The following ADRA1A variants were observed in gnomAD, a reference collection of about 807,000 sequenced individuals.
ADRA1A encodes adrenoceptor alpha 1A, also known as alpha-1A adrenergic receptor.
In ADRA1A, 31 loss-of-function variants were observed where a neutral mutation model predicts 29.6. The observed-to-expected ratio is 1.05, with a 90% confidence interval of 0.79 to 1.41. ADRA1A has a LOEUF of 1.41. Ranked by LOEUF, ADRA1A falls within the 40% of genes most tolerant of loss-of-function variation. The pLI, the probability that ADRA1A is intolerant of heterozygous loss-of-function variation, is 0.00. For missense variants in ADRA1A, 619 were observed against 601.1 expected (o/e 1.03, Z -0.31); for synonymous variants, 311 against 254.3 (o/e 1.22, Z -2.12).
At chr8:26,779,351 C>A in intron 2 of ADRA1A, 2 of 702,944 alleles carry the variant, frequency 2.8e-6, no homozygotes, top group Non-Finnish European at 5.2e-6. Context: ...TCACCTCCAA[C>A]CCCAGCACTG....
At chr8:26,804,235 A>G (rs1210093085) in intron 2 of ADRA1A, among the ~76,000 whole-genome samples, 1 of 152,030 alleles carries the variant, frequency 6.6e-6, no homozygotes, top group Non-Finnish European at 1.5e-5. Flanking sequence ...TTAAATGTGT[A>G]TCTGTCTTAG....
intron 2 of ADRA1A, among the ~76,000 whole-genome samples, chr8:26,749,896 G>C (rs879356273): frequency 2.0e-5 from 3 of 152,166 alleles, no homozygotes; most frequent in Non-Finnish European, 4.4e-5. Context: ...AGAAGGCCTG[G>C]TCATGATTCT....
intron 2 of ADRA1A, chr8:26,853,926 T>C (rs1812810253): frequency 1.3e-5 from 2 of 152,250 alleles, no homozygotes; most frequent in African/African-American, 4.8e-5. Context: ...GTTTTAAATA[T>C]GTATAAGGAT....
intron 2 of ADRA1A, among the ~76,000 whole-genome samples, chr8:26,809,364 C>T (rs1759158171): frequency 6.6e-6 from 1 of 151,976 alleles, no homozygotes; most frequent in Admixed American, 6.6e-5. Context: ...TATCTGATTA[C>T]CCTGAAACCA....
intron 2 of ADRA1A, chr8:26,836,165 G>T: frequency 4.1e-6 from 1 of 241,676 alleles, no homozygotes; most frequent in Non-Finnish European, 9.0e-6. Flanking sequence ...TCCTAGTCTG[G>T]TTGGGGAAGC....
At chr8:26,851,153 C>G (rs2130743578) in intron 2 of ADRA1A, among the ~76,000 whole-genome samples, 1 of 152,218 alleles carries the variant, frequency 6.6e-6, no homozygotes. Flanking sequence ...TGAAAATAAT[C>G]TAGTTTTAAA....
chr8:26,841,941 A>T lies in ADRA1A; in HGVS notation c.883+22146T>A, dbSNP rs61145647. Among the ~76,000 whole-genome samples, 1,083 of 152,154 alleles carry T rather than the reference A, an allele frequency of 7.1e-3. 9 individuals are homozygous for T. Among genetic ancestry groups the T allele is most frequent in the African/African-American group, 0.025 (1,042 of 41,514 alleles). ...CTCCCACTTTTCCAAAACGTTGTGCAAGTTCTGCTTGTTTTTTCTTCTGCC... is the reference window on the plus strand; with the variant it reads ...CTCCCACTTTTCCAAAACGTTGTGCTAGTTCTGCTTGTTTTTTCTTCTGCC... On this transcript the variant is annotated intron_variant, in intron 2 of 2. Transcript: ENST00000380573. The surrounding 1 kb of genome is among the most constrained non-coding windows in gnomAD (Gnocchi z 4.4).
intron 2 of ADRA1A, among the ~76,000 whole-genome samples, chr8:26,827,125 G>C (rs1260479724): frequency 6.6e-6 from 1 of 152,120 alleles, no homozygotes. Flanking sequence ...ATAGTATCTG[G>C]CATGTTGTAA....
downstream of ADRA1A, among the ~76,000 whole-genome samples, chr8:26,754,119 G>A (rs2291776): frequency 0.096 from 14,562 of 152,146 alleles, 982 homozygotes; most frequent in East Asian, 0.33. Context: ...TAAAAATGGC[G>A]TGTAGAAAAT....
intron 2 of ADRA1A, among the ~76,000 whole-genome samples, chr8:26,791,429 C>T (rs1807825719): frequency 6.6e-6 from 1 of 152,108 alleles, no homozygotes; most frequent in Non-Finnish European, 1.5e-5. Flanking sequence ...ACTTATCCAG[C>T]AGTGAAAAGT....
rs1356537116 is a variant in ADRA1A, at chr8:26,865,083, C to G, written c.-114G>C. The G allele has an allele frequency of 6.7e-7, 1 of 1,501,538 alleles. No homozygotes were observed. The highest frequency in any genetic ancestry group is 2.3e-5 in the Admixed American group (1 of 44,000). The allele number at this position is 1,501,538 out of a possible 1,614,324, so 93.0% of individuals were successfully genotyped here. A position where few individuals can be genotyped will look rare whatever the true frequency, so the allele number is the denominator to read the frequency against. ...AAGGTCTCGGCTGGAGGGAGCCCTG[C>G]CAGGTGGGTTTGGCTGGGGGTGAGA... On this transcript the variant is annotated 5_prime_UTR_variant, in exon 2 of 3. Transcript: ENST00000380573. The surrounding 1 kb of genome is among the most constrained non-coding windows in gnomAD (Gnocchi z 7.6).
intron 2 of ADRA1A, chr8:26,779,555 G>A (rs1367216567): frequency 1.7e-6 from 1 of 585,678 alleles, no homozygotes; most frequent in African/African-American, 1.9e-5. Flanking sequence ...GGATGATGAA[G>A]GAACGTGGTG....
intron 2 of ADRA1A, among the ~76,000 whole-genome samples, chr8:26,849,867 C>T (rs532655547): frequency 1.9e-4 from 29 of 151,448 alleles, no homozygotes; most frequent in African/African-American, 6.5e-4. Context: ...TAGGGGGTGA[C>T]GAAGATGGAC....
chr8:26,788,596 C>G (rs1270891191), intron 2 of ADRA1A, among the ~76,000 whole-genome samples: 1 of 152,162 alleles, frequency 6.6e-6, no homozygotes, highest in African/African-American at 2.4e-5. Context: ...AAGTACTTTT[C>G]ATGCACCACC....
Position 26,823,567 on chromosome 8 carries a change from G to C in ADRA1A, c.883+40520C>G, listed in dbSNP as rs1810330970. Among the ~76,000 whole-genome samples the C allele has an allele frequency of 6.6e-6, 1 of 152,170 alleles. No individual in the cohort carries two copies. On this transcript the variant is annotated intron_variant, in intron 2 of 2. Transcript: ENST00000380573. The surrounding 1 kb of genome is among the most constrained non-coding windows in gnomAD (Gnocchi z 4.2). The stretch of plus-strand genomic sequence containing the variant: ...AAGTTGGGACAAATGCACTGGTTCG[G>C]GGAGCGCTGGGCTAAGGATCAGGCT...
downstream of ADRA1A, among the ~76,000 whole-genome samples, chr8:26,755,393 A>G (rs543986610): frequency 1.3e-5 from 2 of 152,230 alleles, no homozygotes; most frequent in South Asian, 4.1e-4. Flanking sequence ...TAAAAAAAAG[A>G]GTGAGAAGAA....
intron 2 of ADRA1A, among the ~76,000 whole-genome samples, chr8:26,832,294 G>A (rs368520576): frequency 5.9e-5 from 9 of 152,264 alleles, no homozygotes; most frequent in African/African-American, 2.2e-4. Flanking sequence ...CGTTAAAATT[G>A]CAAGCACGCA....
At chr8:26,855,551 G>T (rs1443437716) in intron 2 of ADRA1A, among the ~76,000 whole-genome samples, 3 of 152,040 alleles carry the variant, frequency 2.0e-5, no homozygotes, top group Admixed American at 2.0e-4. Context: ...GACACGGGGA[G>T]GGGAACATCA....
Position 26,759,480 on chromosome 8 carries a change from TC to T in ADRA1A, c.1270-2702del, listed in dbSNP as rs1477561324. Among the ~76,000 whole-genome samples the T allele has an allele frequency of 7.2e-5, 11 of 152,330 alleles. 1 individual carries two copies. The highest frequency in any genetic ancestry group is 3.4e-3 in the Middle Eastern group (1 of 294). On this transcript the variant is annotated intron_variant, in intron 2 of 2. Coordinates refer to the ADRA1A transcript ENST00000380582. ...TCACAGAAGTACTTTTTAATAGCCT[TC>T]CTACTTGTCGGATTGAATTTGGGCA...
Sources: gnomAD v4.1 joint callset for allele counts (sites outside exome capture counted in the v4.1 genomes callset) on GRCh38, gnomAD v4.1.1 for gene constraint, Gnocchi (gnomAD v3.1) non-coding constraint, MANE v1.5 for transcripts, NCBI Gene and HGNC (gene_info 2026-07-23, HGNC 2026-07-21) for gene names.